Variants in ABCB10 observed in about 807,000 individuals in gnomAD.
ABCB10 encodes ATP binding cassette subfamily B member 10, also known as ATP-binding cassette sub-family B member 10, mitochondrial.
ABCB10 carries 54 observed loss-of-function variants against 65.4 expected under a neutral mutation model. The observed-to-expected ratio is 0.83, with a 90% CI of 0.66 to 1.04. The LOEUF (loss-of-function observed/expected upper bound fraction) is 1.04. Ranked by LOEUF, ABCB10 falls within the 50% of genes least tolerant of loss-of-function variation. The pLI, the probability that ABCB10 is intolerant of heterozygous loss-of-function variation, is 0.00. For synonymous variants in ABCB10, 418 were observed against 406.5 expected, an observed-to-expected ratio of 1.03 and a Z score of -0.34; for missense variants, 846 against 976.6, an observed-to-expected ratio of 0.87 and a Z score of 1.78.
At chr1:229,552,204 T>C (rs1663131348) in intron 1 of ABCB10, among the ~76,000 whole-genome samples, 1 of 152,220 alleles carries the variant, frequency 6.6e-6, no homozygotes, top group Non-Finnish European at 1.5e-5. Flanking sequence ...AAAAGTAAAA[T>C]ATTTTTTGGC....
intron 7 of ABCB10, among the ~76,000 whole-genome samples, chr1:229,530,840 T>C (rs1355946892): frequency 1.3e-5 from 2 of 152,146 alleles, no homozygotes; most frequent in Non-Finnish European, 2.9e-5. Flanking sequence ...CCGGAATAAA[T>C]ATTTTGGAAG....
chr1:229,547,893 T>C (rs1372256521), intron 2 of ABCB10, among the ~76,000 whole-genome samples, 192 bp from the exon 3 acceptor site: 1 of 152,160 alleles, frequency 6.6e-6, no homozygotes, highest in Non-Finnish European at 1.5e-5. Flanking sequence ...TTAACTGTCA[T>C]GCACTACTAA....
chr1:229,526,046 GTC>G lies in ABCB10; in HGVS notation c.1794_1795del (p.Thr599ArgfsTer2). 1 of 1,614,176 alleles carries G rather than the reference GTC, an allele frequency of 6.2e-7. No individual in the cohort carries two copies. The highest frequency in any genetic ancestry group is 1.1e-5 in the South Asian group (1 of 91,080). ...AGCCACTCTCTGGATTTCCTCAGCG[GTC>G]ACAGAGGAAGGGTCATCAGCACCAT... On this transcript the variant is annotated frameshift_variant, in exon 10 of 13. Transcript: ENST00000344517. LOFTEE classifies it high-confidence loss of function.
chr1:229,540,779 G>A (rs1447033007), intron 4 of ABCB10, 27 bp from the exon 5 acceptor site: 1 of 1,597,646 alleles, frequency 6.3e-7, no homozygotes. Context: ...TACATTTCAG[G>A]AGGAGAAGGG....
Position 229,558,299 on chromosome 1 carries a change from G to C in ABCB10, c.354C>G (p.Phe118Leu), listed in dbSNP as rs1373675680. ...AGGCAGCGGCTGCGGGACCGCCCGG[G>C]AACCGGGCGCGCGGGAGCCGAGGAG... The part of the protein sequence containing the change: ...PGAPRLPRAR[F>L]PGGPAAAAWA... Residue 118 changes from phenylalanine to leucine, a missense_variant, in exon 1 of 13, where the codon TTC becomes TTG. By Grantham distance (22) the Phe-to-Leu change is conservative (BLOSUM62 0). This residue lies in a region of ABCB10 where 632 missense variants were observed against 803.2 expected (regional missense o/e 0.79). Transcript: ENST00000344517. The C allele has an allele frequency of 3.2e-6, 4 of 1,237,636 alleles. No homozygotes were observed. Among genetic ancestry groups the C allele is most frequent in the Non-Finnish European group, 4.0e-6 (4 of 990,568 alleles). The allele number at this position is 1,237,636 out of a possible 1,614,324, so 76.7% of individuals were successfully genotyped here. A position where few individuals can be genotyped will look rare whatever the true frequency, so the allele number is the denominator to read the frequency against.
rs1663305058 is a variant in ABCB10, at chr1:229,558,136, C to T, written c.517G>A (p.Ala173Thr). 2 of 1,403,178 alleles carry T rather than the reference C, an allele frequency of 1.4e-6. No homozygotes were observed. The highest frequency in any genetic ancestry group is 1.8e-6 in the Non-Finnish European group (2 of 1,081,964). The allele number at this position is 1,403,178 out of a possible 1,614,324, so 86.9% of individuals were successfully genotyped here. The change falls in exon 1 of 13, where the codon GCT (alanine) becomes ACT (threonine). Residue 173 changes from alanine to threonine, a missense_variant and splice_region_variant. Ala to Thr is a moderately conservative substitution (Grantham distance 58). This residue lies in a region of ABCB10 where 632 missense variants were observed against 803.2 expected (regional missense o/e 0.79). Transcript: ENST00000344517. ...GGGAAGTGGCCGGGGAGGACCCTAC[C>T]TGCCAGCCTCCGGCGCTCAGGGTAC... ...LAYPERRRLAAAVGFLTMSSV... is the reference protein window; with the variant it reads ...LAYPERRRLATAVGFLTMSSV...
At chr1:229,544,548 T>G (rs1662925372) in intron 3 of ABCB10, among the ~76,000 whole-genome samples, 1 of 152,128 alleles carries the variant, frequency 6.6e-6, no homozygotes, top group Non-Finnish European at 1.5e-5. Context: ...ACTTCCCCTA[T>G]GTCAGGTCCA....
chr1:229,547,094 T>C (rs967075190), intron 3 of ABCB10, among the ~76,000 whole-genome samples: 3 of 152,044 alleles, frequency 2.0e-5, no homozygotes, highest in Non-Finnish European at 4.4e-5. Context: ...AAAAAGGCCA[T>C]GGGAGTGAAG....
chr1:229,536,987 C>T (rs1229764823), intron 6 of ABCB10, among the ~76,000 whole-genome samples: 1 of 151,802 alleles, frequency 6.6e-6, no homozygotes, highest in African/African-American at 2.4e-5. Flanking sequence ...GTACTGATAC[C>T]TGCTACAATA....
intron 1 of ABCB10, among the ~76,000 whole-genome samples, chr1:229,551,282 TAC>T (rs1663110013): frequency 6.6e-6 from 1 of 152,132 alleles, no homozygotes; most frequent in African/African-American, 2.4e-5. Flanking sequence ...TCACTTAAAA[TAC>T]AGACACCCTA....
intron 7 of ABCB10, among the ~76,000 whole-genome samples, chr1:229,531,416 C>T (rs1662580698): frequency 6.6e-6 from 1 of 152,118 alleles, no homozygotes; most frequent in African/African-American, 2.4e-5. Context: ...GTGGCCAGCC[C>T]ATGCATCCAG....
chr1:229,558,305 G>A lies in ABCB10; in HGVS notation c.348C>T (p.Ala116=). The A allele has an allele frequency of 8.1e-7, 1 of 1,235,666 alleles. No homozygotes were observed. Among genetic ancestry groups the A allele is most frequent in the Non-Finnish European group, 1.0e-6 (1 of 988,240 alleles). The allele number at this position is 1,235,666 out of a possible 1,614,324, so 76.5% of individuals were successfully genotyped here. ...CGGCTGCGGGACCGCCCGGGAACCG[G>A]GCGCGCGGGAGCCGAGGAGCGCCTG... The part of the protein sequence containing the change: ...AGPGAPRLPR[A]RFPGGPAAAA... The change falls in exon 1 of 13, where the codon GCC becomes GCT. Residue 116 remains alanine (A), a synonymous_variant. Coordinates refer to ENST00000344517, the MANE Select transcript of ABCB10 (RefSeq NM_012089.3).
chr1:229,554,127 G>T (rs1376987479), intron 1 of ABCB10, among the ~76,000 whole-genome samples: 1 of 152,216 alleles, frequency 6.6e-6, no homozygotes. Context: ...TGGAGTCTGG[G>T]ACACATTTCC....
At chr1:229,526,601 A>G (rs1662450079) in intron 9 of ABCB10, among the ~76,000 whole-genome samples, 1 of 152,170 alleles carries the variant, frequency 6.6e-6, no homozygotes, top group South Asian at 2.1e-4. Flanking sequence ...ACCTGCCCTC[A>G]CCCAAGTGGA....
intron 1 of ABCB10, chr1:229,549,901 C>G (rs571581789): frequency 3.9e-5 from 7 of 177,754 alleles, no homozygotes; most frequent in African/African-American, 1.4e-4. Context: ...TCTCAAAACA[C>G]TCTGTCTACG....
At chr1:229,536,960 A>G (rs1006598607) in intron 6 of ABCB10, among the ~76,000 whole-genome samples, 6 of 152,170 alleles carry the variant, frequency 3.9e-5, no homozygotes, top group Non-Finnish European at 5.9e-5. Context: ...GAAAAGAAAA[A>G]AAAAAAAAGG....
chr1:229,558,692 G>GGC lies in ABCB10; in HGVS notation c.-42_-41dup, dbSNP rs1264745667. On this transcript the variant is annotated 5_prime_UTR_variant, in exon 1 of 13. Coordinates refer to ENST00000344517, the MANE Select transcript of ABCB10 (RefSeq NM_012089.3). Reference sequence around the variant, plus strand: ...CCCGTACGCCTCAGCCCGCCGGCCAGGCGCGCGCAAAGCCCGAGGACCCTC... The same window carrying GGC: ...CCCGTACGCCTCAGCCCGCCGGCCAGGCGCGCGCGCAAAGCCCGAGGACCCTC... 2 of 1,257,358 alleles carry GGC rather than the reference G, an allele frequency of 1.6e-6. No individual in the cohort carries two copies. The highest frequency in any genetic ancestry group is 3.2e-5 in the African/African-American group (2 of 63,290). 77.9% of individuals were successfully genotyped at this position (1,257,358 alleles called of 1,614,324 possible).
At position 229,518,276 on chromosome 1, in the gene ABCB10, C is replaced by A; in HGVS notation, c.2120G>T (p.Gly707Val). The A allele has an allele frequency of 6.2e-7, 1 of 1,614,132 alleles. No homozygotes were observed. Among genetic ancestry groups the A allele is most frequent in the Non-Finnish European group, 8.5e-7 (1 of 1,180,014 alleles). ...NANMVAVLDQGKITEYGKHEE... is the reference protein window; with the variant it reads ...NANMVAVLDQVKITEYGKHEE... ...ATGTTTTCCATATTCAGTAATTTTT[C>A]CTTGGTCAAGAACAGCAACCATATT... The change falls in exon 13 of 13, where the codon GGA (glycine) becomes GTA (valine). Residue 707 changes from glycine (G) to valine (V), a missense_variant. Gly to Val is a moderately radical substitution (Grantham distance 109). Around this residue, in one of 2 missense-constraint regions of ABCB10, gnomAD observed 632 missense variants for 803.2 expected, o/e 0.79. Coordinates refer to ENST00000344517, the MANE Select transcript of ABCB10 (RefSeq NM_012089.3).
chr1:229,529,295 CAAAAAAAAAAAAAAA>C (rs59264291), intron 8 of ABCB10, among the ~76,000 whole-genome samples: 20 of 23,126 alleles, frequency 8.6e-4, no homozygotes, highest in East Asian at 7.7e-3. Context: ...GACTCCGTCT[CAAAAAAAAAAAAAAA>C]AAAAAAAAAA....
Sources: allele counts gnomAD v4.1 joint callset (sites outside exome capture counted in the v4.1 genomes callset), GRCh38; gene constraint gnomAD v4.1.1; regional missense constraint gnomAD v4.1.1; transcripts MANE v1.5; gene names NCBI Gene and HGNC (gene_info 2026-07-23, HGNC 2026-07-21).